GNPTAB: variants seen among roughly 807,000 people sequenced by gnomAD.
GNPTAB encodes N-acetylglucosamine-1-phosphate transferase subunits alpha and beta, also known as N-acetylglucosamine-1-phosphotransferase subunits alpha/beta.
A neutral mutation model predicts 136.6 loss-of-function variants in GNPTAB; 92 were observed. That is an observed-to-expected ratio of 0.67 (90% CI 0.57 to 0.80). The LOEUF (loss-of-function observed/expected upper bound fraction) is 0.80. GNPTAB is among the 30% of genes least tolerant of loss of function. GNPTAB has a pLI of 0.00. For missense variants in GNPTAB, 1,343 were observed against 1,501.8 expected (o/e 0.89, Z 1.75); for synonymous variants, 512 against 535.1 (o/e 0.96, Z 0.60).
chr12:101,760,024 A>T lies in GNPTAB; in HGVS notation c.3249+6T>A. 6.6e-7 allele frequency: 1 copy of T among 1,519,798 alleles called. No individual in the cohort carries two copies. Among genetic ancestry groups the T allele is most frequent in the Non-Finnish European group, 9.1e-7 (1 of 1,094,392 alleles). 94.1% of individuals were successfully genotyped at this position (1,519,798 alleles called of 1,614,324 possible). ...GTTGTACATAAAAGTAACCCATTCC[A>T]CTTACCAGGTTGGGATCATAGTAGG... is the stretch of plus-strand genomic sequence containing the variant. On this transcript the variant is annotated splice_donor_region_variant and intron_variant, in intron 16 of 20. Coordinates refer to ENST00000299314, the MANE Select transcript of GNPTAB (RefSeq NM_024312.5).
intron 12 of GNPTAB, 31 bp downstream of exon 12, chr12:101,766,060 C>T: frequency 6.3e-7 from 1 of 1,583,740 alleles, no homozygotes; most frequent in Non-Finnish European, 8.7e-7. Context: ...GTTTTATGCT[C>T]CCATTCTTAT....
chr12:101,776,574 AC>A (rs1459134602), intron 7 of GNPTAB, among the ~76,000 whole-genome samples: 12 of 152,278 alleles, frequency 7.9e-5, no homozygotes, highest in African/African-American at 2.4e-4. Context: ...AAAACAAAAA[AC>A]TTCAGGTTTT....
intron 2 of GNPTAB, among the ~76,000 whole-genome samples, chr12:101,790,742 A>G (rs78636283): frequency 4.2e-5 from 1 of 23,988 alleles, no homozygotes; most frequent in African/African-American, 6.6e-4. Context: ...CTTGTCTCTA[A>G]AAAAAAAAAA....
At chr12:101,747,950 T>C (rs1405701280) in intron 20 of GNPTAB, among the ~76,000 whole-genome samples, 3 of 152,160 alleles carry the variant, frequency 2.0e-5, no homozygotes, top group Non-Finnish European at 1.5e-5. Flanking sequence ...CTGGTATAGA[T>C]AGAGGAAAGA....
intron 13 of GNPTAB, among the ~76,000 whole-genome samples, chr12:101,763,249 A>G (rs1215481351): frequency 6.6e-6 from 1 of 151,928 alleles, no homozygotes; most frequent in South Asian, 2.1e-4. Context: ...AAAGGAAAGG[A>G]AAGAAAATGG....
intron 1 of GNPTAB, among the ~76,000 whole-genome samples, chr12:101,819,717 T>C (rs1355983239): frequency 6.6e-6 from 1 of 152,222 alleles, no homozygotes; most frequent in Non-Finnish European, 1.5e-5. Flanking sequence ...ATAGGCTGAC[T>C]AATCAACTGC....
At chr12:101,817,265 C>T (rs796813081) in intron 1 of GNPTAB, among the ~76,000 whole-genome samples, 65 of 108,186 alleles carry the variant, frequency 6.0e-4, no homozygotes, top group Middle Eastern at 5.6e-3. Context: ...TATCATTCCA[C>T]TTTTTTTTTT....
intron 18 of GNPTAB, among the ~76,000 whole-genome samples, chr12:101,754,476 T>C (rs997275044): frequency 1.3e-5 from 2 of 152,076 alleles, no homozygotes; most frequent in Admixed American, 1.3e-4. Context: ...TCTGAAATGA[T>C]AGTTATATTA....
At chr12:101,783,085 T>A (rs1868435548) in intron 5 of GNPTAB, among the ~76,000 whole-genome samples, 1 of 151,894 alleles carries the variant, frequency 6.6e-6, no homozygotes, top group Non-Finnish European at 1.5e-5. Context: ...TGTAATCTAC[T>A]TATTTATCGT....
intron 1 of GNPTAB, among the ~76,000 whole-genome samples, chr12:101,805,903 C>T (rs757639052): frequency 6.6e-6 from 1 of 151,974 alleles, no homozygotes; most frequent in Non-Finnish European, 1.5e-5. Context: ...CCGATAAAAA[C>T]GAAATATCTA....
chr12:101,791,648 G>A lies in GNPTAB; in HGVS notation c.204-1591C>T, dbSNP rs1384774542. Among the ~76,000 whole-genome samples the A allele has an allele frequency of 2.6e-5, 4 of 152,146 alleles. No individual in the cohort carries two copies. In the East Asian group the frequency reaches 7.7e-4, roughly 29 times the overall value. ...CTTTCCAAGAAACTGTATGGGTTTT[G>A]CAGTTTTATTTTTAGGCCAAGGACC... On this transcript the variant is annotated intron_variant, in intron 2 of 20. Coordinates refer to ENST00000299314, the MANE Select transcript of GNPTAB (RefSeq NM_024312.5).
At chr12:101,819,796 A>G (rs1870706738) in intron 1 of GNPTAB, among the ~76,000 whole-genome samples, 1 of 152,226 alleles carries the variant, frequency 6.6e-6, no homozygotes, top group South Asian at 2.1e-4. Flanking sequence ...AAAAAGATAT[A>G]TCATGAATAT....
rs956192963 is a variant in GNPTAB at position 101,783,109 on chromosome 12, C to T, written c.572-2488G>A. Among the ~76,000 whole-genome samples, 6 of 151,904 alleles carry T rather than the reference C, an allele frequency of 3.9e-5. No homozygotes were observed. The South Asian group carries it at 8.3e-4, about 21-fold the overall frequency. ...CTTATTTATCGTGTTTACCGTCTGA[C>T]TCTCTGACTCCCTCCACCAAGATGT... On this transcript the variant is annotated intron_variant, in intron 5 of 20. Transcript: ENST00000299314.
chr12:101,758,723 G>A (rs1217005052), intron 16 of GNPTAB, among the ~76,000 whole-genome samples: 1 of 152,212 alleles, frequency 6.6e-6, no homozygotes, highest in African/African-American at 2.4e-5. Context: ...CTGCTATGCT[G>A]ACCTCTTTCA....
chr12:101,761,704 C>T lies in GNPTAB; in HGVS notation c.2775G>A (p.Arg925=). Residue 925 remains arginine, a synonymous_variant, in exon 14 of 21, where the codon AGG becomes AGA. Coordinates refer to ENST00000299314, the MANE Select transcript of GNPTAB (RefSeq NM_024312.5). ...AYFTDSKNTG[R]QLKDTFADSL... ...AATCTGCAAATGTATCTTTTAGTTG[C>T]CTCCCAGTATTTTTGCTATCAGTGA... 1 of 1,613,902 alleles carries T rather than the reference C, an allele frequency of 6.2e-7. No homozygotes were observed. The highest frequency in any genetic ancestry group is 8.5e-7 in the Non-Finnish European group (1 of 1,179,816).
chr12:101,796,845 T>C (rs1302014926), intron 1 of GNPTAB, 83 bp from the exon 2 acceptor site: 1 of 945,220 alleles, frequency 1.1e-6, no homozygotes, highest in African/African-American at 1.7e-5. Flanking sequence ...TTCATTAGAA[T>C]TGCTAGAGAA....
chr12:101,799,708 C>CA (rs1869496805), intron 1 of GNPTAB, among the ~76,000 whole-genome samples: 1 of 141,942 alleles, frequency 7.0e-6, no homozygotes, highest in Admixed American at 7.0e-5. Flanking sequence ...TCTCTGAAGT[C>CA]AGGAAGTACC....
chr12:101,820,736 C>T (rs139840460), intron 1 of GNPTAB, among the ~76,000 whole-genome samples: 37 of 152,236 alleles, frequency 2.4e-4, no homozygotes, highest in African/African-American at 8.4e-4. Flanking sequence ...TTACCCTCTA[C>T]GGTTGAACTC....
chr12:101,753,362 G>A lies in GNPTAB; in HGVS notation c.3602+10C>T, dbSNP rs187120606. The A allele has an allele frequency of 5.0e-6, 8 of 1,607,396 alleles. No individual in the cohort carries two copies. The highest frequency in any genetic ancestry group is 3.3e-4 in the Middle Eastern group (2 of 6,050). On this transcript the variant is annotated intron_variant, in intron 19 of 20. Coordinates refer to ENST00000299314, the MANE Select transcript of GNPTAB (RefSeq NM_024312.5). ...CCACACACATGCATATATAAAACAT[G>A]AGAATTTACCATTCCTGCAGCTCAT...
Sources: gnomAD v4.1 joint callset for allele counts (sites outside exome capture counted in the v4.1 genomes callset) on GRCh38, gnomAD v4.1.1 for gene constraint, MANE v1.5 for transcripts, NCBI Gene and HGNC (gene_info 2026-07-23, HGNC 2026-07-21) for gene names.